The following L3HYPDH variants were observed in gnomAD, a reference collection of about 807,000 sequenced individuals.
L3HYPDH encodes trans-3-hydroxy-L-proline dehydratase.
Under a neutral mutation model 26.5 loss-of-function variants are expected in L3HYPDH, and 32 were observed. That is an observed-to-expected ratio of 1.21 (90% CI 0.91 to 1.62). The LOEUF (loss-of-function observed/expected upper bound fraction) is 1.62. Among genes scored for constraint, L3HYPDH ranks in the 40% most tolerant of loss-of-function variants. The pLI is 0.00. For synonymous variants in L3HYPDH, 215 were observed against 196.6 expected (o/e 1.09, Z -0.78); for missense variants, 554 against 476.4 (o/e 1.16, Z -1.52).
chr14:59,487,885 C>T, upstream of L3HYPDH: 1 of 1,457,834 alleles, frequency 6.9e-7, no homozygotes, highest in South Asian at 1.2e-5. Context: ...AATTATCACT[C>T]AGAAGACCTT....
chr14:59,487,549 C>G (rs1305573520), upstream of L3HYPDH: 4 of 676,468 alleles, frequency 5.9e-6, no homozygotes, highest in Non-Finnish European at 1.0e-5. Flanking sequence ...TTTTTTATTT[C>G]TAAAAGCTGC....
chr14:59,475,817 C>T, intron 4 of L3HYPDH, 52 bp downstream of exon 4: 1 of 1,544,858 alleles, frequency 6.5e-7, no homozygotes, highest in Non-Finnish European at 8.8e-7. Context: ...TCAGGCCTCT[C>T]CAGTCTCATG....
At chr14:59,501,275 G>A in the L3HYPDH span, 5 of 1,561,652 alleles carry the variant, frequency 3.2e-6, no homozygotes, top group African/African-American at 5.4e-5. Context: ...GAGGTAGGAA[G>A]TCTTTTTTTC....
intron 1 of L3HYPDH, among the ~76,000 whole-genome samples, chr14:59,480,956 G>C (rs1253100): frequency 6.6e-6 from 1 of 151,998 alleles, no homozygotes; most frequent in Non-Finnish European, 1.5e-5. Flanking sequence ...GGGTTCAGTC[G>C]GCCTGCCCTC....
At chr14:59,473,359 G>C (rs1889400918) in intron 4 of L3HYPDH, among the ~76,000 whole-genome samples, 1 of 152,204 alleles carries the variant, frequency 6.6e-6, no homozygotes, top group African/African-American at 2.4e-5. Context: ...ATTGATTCCA[G>C]AGTCACTATG....
upstream of L3HYPDH, chr14:59,487,892 C>A: frequency 7.2e-7 from 1 of 1,396,796 alleles, no homozygotes; most frequent in Non-Finnish European, 1.0e-6. Context: ...ACTCAGAAGA[C>A]CTTATTAAGT....
At chr14:59,471,265 A>G (rs767784192), downstream of L3HYPDH, among the ~76,000 whole-genome samples, 10 of 152,230 alleles carry the variant, frequency 6.6e-5, no homozygotes, top group Non-Finnish European at 8.8e-5. Context: ...GAAATATAAC[A>G]TTCTTATTAA....
At chr14:59,483,428 T>C (rs1019431905) in intron 1 of L3HYPDH, 7 of 939,314 alleles carry the variant, frequency 7.5e-6, no homozygotes, top group Non-Finnish European at 9.3e-6. Context: ...AAGCATATTC[T>C]CAGCCAGCCT....
At chr14:59,475,779 G>C in intron 4 of L3HYPDH, 90 bp downstream of exon 4, 1 of 1,266,838 alleles carries the variant, frequency 7.9e-7, no homozygotes. Context: ...TCTGAGAGCT[G>C]AGTGAAGAAA....
Position 59,476,149 on chromosome 14 carries a change from T to G in L3HYPDH, c.744A>C (p.Gly248=). ...AFLYGTILTD[G]KDAYTKEPTT... ...TTGGTTCCTTGGTATAAGCATCTTT[T>G]CCATCTGTTAATATAGTTCCATATA... The change falls in exon 3 of 5, where the codon GGA becomes GGC. Residue 248 remains glycine, a synonymous_variant. Coordinates refer to ENST00000247194, the MANE Select transcript of L3HYPDH (RefSeq NM_144581.2). The G allele has an allele frequency of 6.2e-7, 1 of 1,613,870 alleles. No individual in the cohort carries two copies. Among genetic ancestry groups the G allele is most frequent in the Non-Finnish European group, 8.5e-7 (1 of 1,179,772 alleles).
At chr14:59,467,124 G>A (rs1889209429) in intron 1 of L3HYPDH, among the ~76,000 whole-genome samples, 1 of 152,098 alleles carries the variant, frequency 6.6e-6, no homozygotes, top group African/African-American at 2.4e-5. Flanking sequence ...GTATATTACA[G>A]TGTGCTAAAT....
chr14:59,484,200 A>C lies in L3HYPDH; in HGVS notation c.117T>G (p.Cys39Trp). The C allele has an allele frequency of 6.3e-7, 1 of 1,598,736 alleles. No homozygotes were observed. The highest frequency in any genetic ancestry group is 1.1e-5 in the South Asian group (1 of 91,026). Residue 39 changes from cysteine to tryptophan, a missense_variant, in exon 1 of 5, where the codon TGT becomes TGG. By Grantham distance (215) the Cys-to-Trp change is radical. Transcript: ENST00000247194. ...GEPLRIVLAG[C>W]PEVSGPTLLA... Reference sequence around the variant, plus strand: ...GCAGGGTGGGCCCAGACACCTCCGGACACCCCGCCAGCACGATACGCAAGG... The same window carrying C: ...GCAGGGTGGGCCCAGACACCTCCGGCCACCCCGCCAGCACGATACGCAAGG...
At chr14:59,503,247 A>AAGTT in the L3HYPDH span, among the ~76,000 whole-genome samples, 2 of 152,336 alleles carry the variant, frequency 1.3e-5, no homozygotes, top group South Asian at 4.1e-4. Flanking sequence ...TAATAAGAGA[A>AAGTT]AGTTAGTAAC....
the L3HYPDH span, among the ~76,000 whole-genome samples, chr14:59,502,845 G>A: frequency 1.4e-5 from 2 of 140,642 alleles, no homozygotes; most frequent in African/African-American, 2.7e-5. Context: ...TCCACCTCTC[G>A]GGTTCAAGTG....
downstream of L3HYPDH, among the ~76,000 whole-genome samples, chr14:59,469,911 A>G (rs770547229): frequency 3.9e-5 from 6 of 152,226 alleles, no homozygotes; most frequent in Non-Finnish European, 8.8e-5. Context: ...ATTTAAGGAC[A>G]GAGTAGTCAG....
intron 2 of L3HYPDH, 31 bp downstream of exon 2, chr14:59,479,151 G>C (rs763009870): frequency 6.6e-7 from 1 of 1,515,496 alleles, no homozygotes; most frequent in African/African-American, 1.4e-5. Flanking sequence ...ACAGAGAAGG[G>C]AATTGGTTAT....
chr14:59,483,397 A>T, intron 1 of L3HYPDH: 1 of 496,732 alleles, frequency 2.0e-6, no homozygotes, highest in Non-Finnish European at 2.7e-6. Context: ...GTAACTTATT[A>T]AGTGTGATTC....
chr14:59,490,874 T>C, the L3HYPDH span, among the ~76,000 whole-genome samples: 1 of 152,196 alleles, frequency 6.6e-6, no homozygotes, highest in Admixed American at 6.5e-5. Context: ...TAGGTATGTC[T>C]TCACCAAATG....
chr14:59,470,134 T>C (rs1889276496), downstream of L3HYPDH, among the ~76,000 whole-genome samples: 1 of 152,144 alleles, frequency 6.6e-6, no homozygotes, highest in Admixed American at 6.5e-5. Context: ...GCGCTATCCT[T>C]TACCTCCAGG....
Sources: allele counts gnomAD v4.1 joint callset (sites outside exome capture counted in the v4.1 genomes callset), GRCh38; gene constraint gnomAD v4.1.1; transcripts MANE v1.5; gene names NCBI Gene and HGNC (gene_info 2026-07-23, HGNC 2026-07-21).